Variants in IGFL2 observed in about 807,000 individuals in gnomAD.
IGFL2 encodes insulin growth factor-like family member 2.
In IGFL2, 7 loss-of-function variants were observed where a neutral mutation model predicts 13.9. The ratio of observed to expected loss-of-function variants is 0.51; its 90% CI spans 0.29 to 0.95. The LOEUF (loss-of-function observed/expected upper bound fraction) is 0.95. Among genes scored for constraint, IGFL2 ranks in the 40% least tolerant of loss-of-function variants. IGFL2 has a pLI of 0.08. For synonymous variants in IGFL2, 55 were observed against 55.8 expected, an observed-to-expected ratio of 0.99 and a Z score of 0.07; for missense variants, 138 against 147.8, an observed-to-expected ratio of 0.93 and a Z score of 0.34.
chr19:46,182,314 C>T, the IGFL2 span, among the ~76,000 whole-genome samples: 1 of 146,710 alleles, frequency 6.8e-6, no homozygotes, highest in Non-Finnish European at 1.5e-5. Context: ...TTGTGGTGAG[C>T]CAAGATCGCA....
the IGFL2 span, among the ~76,000 whole-genome samples, chr19:46,205,521 A>G: frequency 6.6e-6 from 1 of 152,124 alleles, no homozygotes; most frequent in Admixed American, 6.5e-5. Flanking sequence ...TGTGGGCCCT[A>G]TGGAAATCAG....
chr19:46,185,900 G>A, the IGFL2 span, among the ~76,000 whole-genome samples: 1 of 152,034 alleles, frequency 6.6e-6, no homozygotes, highest in Non-Finnish European at 1.5e-5. Flanking sequence ...TATGAGCCCC[G>A]GGAAATTTTT....
chr19:46,081,256 A>G, the IGFL2 span, among the ~76,000 whole-genome samples: 1 of 152,238 alleles, frequency 6.6e-6, no homozygotes, highest in Non-Finnish European at 1.5e-5. Context: ...TATATGTAAC[A>G]TTTAAAATAT....
At chr19:46,083,182 TCCAGGGC>T in the IGFL2 span, among the ~76,000 whole-genome samples, 4 of 152,230 alleles carry the variant, frequency 2.6e-5, no homozygotes, top group African/African-American at 4.8e-5. Flanking sequence ...AATTTCTACT[TCCAGGGC>T]TGTTACTGAC....
chr19:46,134,826 G>A, the IGFL2 span, among the ~76,000 whole-genome samples: 1 of 152,160 alleles, frequency 6.6e-6, no homozygotes, highest in Non-Finnish European at 1.5e-5. Context: ...CAGACACACT[G>A]GTACCAGTCC....
the IGFL2 span, among the ~76,000 whole-genome samples, chr19:46,107,826 G>A: frequency 6.6e-6 from 1 of 152,184 alleles, no homozygotes; most frequent in Non-Finnish European, 1.5e-5. Context: ...TGGGTCTAGG[G>A]CAGTAAAGCA....
At chr19:46,133,831 G>A in the IGFL2 span, among the ~76,000 whole-genome samples, 1 of 152,078 alleles carries the variant, frequency 6.6e-6, no homozygotes, top group East Asian at 1.9e-4. Context: ...ATACATTACT[G>A]GTCTTGGGTT....
the IGFL2 span, among the ~76,000 whole-genome samples, chr19:46,107,712 T>C: frequency 3.9e-3 from 601 of 152,284 alleles, 1 homozygote; most frequent in African/African-American, 0.013. Context: ...AGTTCTTTTG[T>C]GGGGTTTGAG....
chr19:46,148,821 C>G (rs936215406), intron 1 of IGFL2: 1 of 1,472,726 alleles, frequency 6.8e-7, no homozygotes, highest in Non-Finnish European at 9.0e-7. Flanking sequence ...TCTGACTCTT[C>G]CAGATATTGG....
At chr19:46,125,569 C>T in the IGFL2 span, among the ~76,000 whole-genome samples, 1 of 152,176 alleles carries the variant, frequency 6.6e-6, no homozygotes, top group Non-Finnish European at 1.5e-5. Context: ...TAAGGATTGG[C>T]CAGACTTTCC....
chr19:46,086,733 C>G, the IGFL2 span, among the ~76,000 whole-genome samples: 1 of 152,210 alleles, frequency 6.6e-6, no homozygotes, highest in South Asian at 2.1e-4. Flanking sequence ...ATCTGCACAT[C>G]TGGTGTAAGA....
At chr19:46,136,922 C>A in the IGFL2 span, 1 of 961,820 alleles carries the variant, frequency 1.0e-6, no homozygotes, top group Non-Finnish European at 1.7e-6. Context: ...CCTCTGGGCA[C>A]ATGAGAGAGG....
chr19:46,105,569 T>C, the IGFL2 span, among the ~76,000 whole-genome samples: 1 of 152,118 alleles, frequency 6.6e-6, no homozygotes, highest in Non-Finnish European at 1.5e-5. Context: ...GGAGGCTGGA[T>C]TGAAGTCCGG....
the IGFL2 span, among the ~76,000 whole-genome samples, chr19:46,172,184 C>T: frequency 4.0e-3 from 604 of 152,182 alleles, 4 homozygotes; most frequent in African/African-American, 0.012. Context: ...TAGAAGAAAT[C>T]GTGTAAAGCC....
the IGFL2 span, among the ~76,000 whole-genome samples, chr19:46,079,787 G>A: frequency 6.6e-6 from 1 of 152,216 alleles, no homozygotes; most frequent in Non-Finnish European, 1.5e-5. Context: ...TCAGATGACA[G>A]ATTTCTGCAT....
the IGFL2 span, among the ~76,000 whole-genome samples, chr19:46,170,962 T>C: frequency 4.6e-5 from 7 of 152,278 alleles, no homozygotes; most frequent in African/African-American, 1.7e-4. Context: ...CTTGTGATCT[T>C]TTGTCGCCCT....
the IGFL2 span, among the ~76,000 whole-genome samples, chr19:46,199,743 C>T: frequency 6.6e-6 from 1 of 152,226 alleles, no homozygotes; most frequent in Non-Finnish European, 1.5e-5. Flanking sequence ...CTGCCTCGAG[C>T]CATCCCAGGA....
At chr19:46,083,953 C>T in the IGFL2 span, among the ~76,000 whole-genome samples, 1,303 of 152,256 alleles carry the variant, frequency 8.6e-3, 17 homozygotes, top group African/African-American at 0.03. Context: ...CCTCTTAGAC[C>T]TGCTTTTGCT....
chr19:46,088,310 A>AT, the IGFL2 span, among the ~76,000 whole-genome samples: 1 of 152,138 alleles, frequency 6.6e-6, no homozygotes, highest in Non-Finnish European at 1.5e-5. Flanking sequence ...GTGTCTTTTG[A>AT]TTGGATAATT....
Sources: allele counts gnomAD v4.1 joint callset (sites outside exome capture counted in the v4.1 genomes callset), GRCh38; gene constraint gnomAD v4.1.1; transcripts MANE v1.5; gene names NCBI Gene and HGNC (gene_info 2026-07-23, HGNC 2026-07-21).